TMED3: variants seen among roughly 807,000 people sequenced by gnomAD.
The protein encoded by TMED3 is transmembrane emp24 domain-containing protein 3.
A neutral mutation model predicts 15.0 loss-of-function variants in TMED3; 9 were observed. That is an observed-to-expected ratio of 0.60 (90% CI 0.36 to 1.04). The LOEUF is 1.04. Among genes scored for constraint, TMED3 ranks in the 50% least tolerant of loss-of-function variants. The pLI is 0.01. For synonymous variants in TMED3, 117 were observed against 121.4 expected, an observed-to-expected ratio of 0.96 and a Z score of 0.24; for missense variants, 267 against 278.9, an observed-to-expected ratio of 0.96 and a Z score of 0.30.
chr15:79,328,458 A>G (rs2058795450), intron 2 of TMED3, among the ~76,000 whole-genome samples: 1 of 152,224 alleles, frequency 6.6e-6, no homozygotes, highest in Non-Finnish European at 1.5e-5. Context: ...GGCCTTAAGC[A>G]GGTCTAAAGC....
chr15:79,365,196 T>G (rs1343919686), intron 2 of TMED3, among the ~76,000 whole-genome samples: 4 of 152,206 alleles, frequency 2.6e-5, no homozygotes, highest in Non-Finnish European at 5.9e-5. Flanking sequence ...CACATTGGTT[T>G]GAACTAAAAA....
At chr15:79,408,859 GAGA>G (rs977606226) in intron 2 of TMED3, among the ~76,000 whole-genome samples, 2 of 152,232 alleles carry the variant, frequency 1.3e-5, no homozygotes, top group Non-Finnish European at 2.9e-5. Context: ...TCCCAGGGCA[GAGA>G]AGAAGGGCCC....
At chr15:79,392,937 C>T (rs1893715258) in intron 2 of TMED3, among the ~76,000 whole-genome samples, 1 of 152,208 alleles carries the variant, frequency 6.6e-6, no homozygotes, top group South Asian at 2.1e-4. Flanking sequence ...GGCATCCCAA[C>T]TTAAATTGGA....
At chr15:79,321,692 A>G (rs918916535) in intron 2 of TMED3, among the ~76,000 whole-genome samples, 4 of 152,150 alleles carry the variant, frequency 2.6e-5, no homozygotes, top group Non-Finnish European at 4.4e-5. Context: ...TATTGTAAGG[A>G]TTGAATAAGA....
At chr15:79,383,107 G>C in intron 2 of TMED3, 2 of 1,347,558 alleles carry the variant, frequency 1.5e-6, no homozygotes, top group South Asian at 1.2e-5. Flanking sequence ...AGATCGCCAG[G>C]TACCCACAGC....
chr15:79,327,672 A>G (rs997405314), downstream of TMED3, among the ~76,000 whole-genome samples: 1 of 152,230 alleles, frequency 6.6e-6, no homozygotes, highest in African/African-American at 2.4e-5. Flanking sequence ...ACACTACTAA[A>G]TAAACTTGAT....
rs373934025 is a variant in TMED3, at chr15:79,337,591, C to T, written c.417+23586C>T. On this transcript the variant is annotated intron_variant, in intron 2 of 2. Coordinates refer to the TMED3 transcript ENST00000424155. ...TATTCTACTAGAACCACTATTTTGT[C>T]AAGACTAGGTGCATTTCGTAGCTTG... Among the ~76,000 whole-genome samples, 111 of 152,312 alleles carry T rather than the reference C, an allele frequency of 7.3e-4. 1 individual carries two copies. Among genetic ancestry groups the T allele is most frequent in the Non-Finnish European group, 1.2e-3 (80 of 68,030 alleles).
Position 79,408,340 on chromosome 15 carries a change from G to A in TMED3, c.418-3060G>A, listed in dbSNP as rs542662447. Among the ~76,000 whole-genome samples the A allele has an allele frequency of 9.2e-5, 14 of 152,318 alleles. No homozygotes were observed. The East Asian group carries it at 9.6e-4, about 10-fold the overall frequency. On this transcript the variant is annotated intron_variant, in intron 2 of 2. Coordinates refer to the TMED3 transcript ENST00000424155. ...CCAGTCGCAGTTCCTCCCATCGGAC[G>A]TATGAGTCACCCATAGGCTTTTCAG...
chr15:79,344,765 A>G (rs1114640), intron 2 of TMED3, among the ~76,000 whole-genome samples: 130,218 of 152,216 alleles, frequency 0.86, 55,972 homozygotes, highest in Middle Eastern at 0.9. Context: ...CAAGGTCGAG[A>G]TCGTTGGTGA....
At chr15:79,371,287 T>C (rs969170168) in intron 2 of TMED3, among the ~76,000 whole-genome samples, 3 of 152,192 alleles carry the variant, frequency 2.0e-5, no homozygotes, top group Non-Finnish European at 4.4e-5. Context: ...AAGATGTGGC[T>C]ATGTTAAGAA....
At chr15:79,365,417 A>G (rs1013462523) in intron 2 of TMED3, among the ~76,000 whole-genome samples, 4 of 152,226 alleles carry the variant, frequency 2.6e-5, no homozygotes, top group Admixed American at 6.5e-5. Context: ...AGTATCCGAG[A>G]CAGGTCTCAA....
intron 2 of TMED3, among the ~76,000 whole-genome samples, chr15:79,368,524 T>C (rs1893280300): frequency 6.6e-6 from 1 of 152,172 alleles, no homozygotes; most frequent in Admixed American, 6.5e-5. Context: ...TTGTATTCAG[T>C]GTTTTTGGGG....
At chr15:79,379,310 C>G (rs4360907) in intron 2 of TMED3, among the ~76,000 whole-genome samples, 16,890 of 152,210 alleles carry the variant, frequency 0.11, 1,010 homozygotes, top group Admixed American at 0.14. Flanking sequence ...TTAGCTTATT[C>G]AGTTGATGGA....
chr15:79,408,951 C>T (rs1184093601), intron 2 of TMED3, among the ~76,000 whole-genome samples: 1 of 152,198 alleles, frequency 6.6e-6, no homozygotes, highest in African/African-American at 2.4e-5. Context: ...CCTAATACAA[C>T]TTAAATTAGA....
At position 79,313,817 on chromosome 15, in the gene TMED3, A is replaced by G. The variant is rs750756558; in HGVS notation, c.229A>G (p.Ile77Val). The part of the protein sequence containing the change: ...CYVEDPQGNT[I>V]YRETKKQYDS... ...TGTAGAGGACCCCCAGGGGAACACC[A>G]TCTACAGAGAAACGAAGAAGCAGTA... The change falls in exon 2 of 3, where the codon ATC (isoleucine) becomes GTC (valine). Residue 77 changes from isoleucine (I) to valine (V), a missense_variant. Around this residue, in one of 3 missense-constraint regions of TMED3, gnomAD observed 69 missense variants for 106.8 expected, o/e 0.65. Transcript: ENST00000299705. The G allele has an allele frequency of 7.4e-6, 12 of 1,614,118 alleles. No individual in the cohort carries two copies. In the East Asian group the frequency reaches 2.7e-4, roughly 36 times the overall value.
At chr15:79,344,467 A>G (rs1224501035) in intron 2 of TMED3, among the ~76,000 whole-genome samples, 2 of 152,178 alleles carry the variant, frequency 1.3e-5, no homozygotes, top group Non-Finnish European at 2.9e-5. Context: ...GCCCCAGGCT[A>G]GGATACATGA....
intron 2 of TMED3, among the ~76,000 whole-genome samples, chr15:79,396,816 A>T (rs865864735): frequency 9.2e-5 from 14 of 152,388 alleles, no homozygotes; most frequent in Non-Finnish European, 2.9e-5. Flanking sequence ...TCAAGAAAGA[A>T]TGTAAAATAT....
intron 2 of TMED3, among the ~76,000 whole-genome samples, chr15:79,331,186 C>G (rs115916763): frequency 0.026 from 4,019 of 152,252 alleles, 179 homozygotes; most frequent in African/African-American, 0.092. Context: ...CTAATCACTT[C>G]CCAGCAGGCC....
intron 2 of TMED3, among the ~76,000 whole-genome samples, chr15:79,366,623 G>C (rs1893241220): frequency 6.6e-6 from 1 of 152,182 alleles, no homozygotes; most frequent in Non-Finnish European, 1.5e-5. Context: ...TTCGGGGATA[G>C]TGCCCAGCAG....
Sources: gnomAD v4.1 joint callset for allele counts (sites outside exome capture counted in the v4.1 genomes callset) on GRCh38, gnomAD v4.1.1 for gene constraint, gnomAD v4.1.1 regional missense constraint, MANE v1.5 for transcripts, NCBI Gene and HGNC (gene_info 2026-07-23, HGNC 2026-07-21) for gene names.